Variants in FAM167A observed in about 807,000 individuals in gnomAD.
The protein encoded by FAM167A is family with sequence similarity 167 member A.
FAM167A carries 23 observed loss-of-function variants against 14.9 expected under a neutral mutation model. That is an observed-to-expected ratio of 1.55 (90% CI 1.11 to 2.19). The LOEUF (loss-of-function observed/expected upper bound fraction) is 2.19, where lower values mean the gene tolerates loss of function less well. Among genes scored for constraint, FAM167A ranks in the 30% most tolerant of loss-of-function variants. The pLI is 0.00. For synonymous variants in FAM167A, 174 were observed against 117.7 expected (o/e 1.48, Z -3.10); for missense variants, 401 against 281.5 (o/e 1.42, Z -3.04).
chr8:11,438,544 G>A (rs192954085), intron 2 of FAM167A: 7 of 456,394 alleles, frequency 1.5e-5, no homozygotes, highest in African/African-American at 1.2e-4. Context: ...TTTCAATAAT[G>A]TCTTTCCCCT....
rs1278460375 is a variant in FAM167A, at chr8:11,424,105, C to G, written c.*268G>C. The stretch of plus-strand genomic sequence containing the variant: ...GGAGGGATGGATTATGGTGGGAACC[C>G]AGGTCTCCTTTAACATCTTGGTTGG... On this transcript the variant is annotated 3_prime_UTR_variant, in exon 3 of 3. Transcript: ENST00000284486. The G allele has an allele frequency of 1.4e-5, 6 of 439,002 alleles. No individual in the cohort carries two copies. The East Asian group carries it at 1.5e-4, about 11-fold the overall frequency. 27.2% of individuals were successfully genotyped at this position (439,002 alleles called of 1,614,324 possible).
In FAM167A at chr8:11,439,442, G is replaced by C. The variant is rs1272967099; in HGVS notation, c.381+4589C>G. Among the ~76,000 whole-genome samples the C allele has an allele frequency of 2.0e-5, 3 of 152,268 alleles. No individual in the cohort carries two copies. The East Asian group carries it at 5.8e-4, about 29-fold the overall frequency. ...TACCAAGCAGGCAGCACAGGCAACA[G>C]AGGGTTAACAGGGAGAGGGCAGCCC... On this transcript the variant is annotated intron_variant, in intron 2 of 2. Transcript: ENST00000284486.
At chr8:11,451,245 G>T (rs1326788414) in intron 1 of FAM167A, among the ~76,000 whole-genome samples, 2 of 152,246 alleles carry the variant, frequency 1.3e-5, no homozygotes, top group Non-Finnish European at 2.9e-5. Context: ...TCTAACTGGA[G>T]AGCAAAGCCA....
intron 1 of FAM167A, among the ~76,000 whole-genome samples, chr8:11,453,369 G>A (rs983763914): frequency 6.6e-6 from 1 of 152,210 alleles, no homozygotes; most frequent in African/African-American, 2.4e-5. Context: ...CTGTCAAGCT[G>A]CTAATATGTA....
At position 11,442,178 on chromosome 8, in the gene FAM167A, G is replaced by A. The variant is rs561880704; in HGVS notation, c.381+1853C>T. ...TGCCTCACCCTGGGCCACCTTCCTC[G>A]CTTGGCCAGCACACTGGGCAGGGCA... On this transcript the variant is annotated intron_variant, in intron 2 of 2. Transcript: ENST00000284486. Among the ~76,000 whole-genome samples the A allele has an allele frequency of 1.8e-4, 28 of 152,262 alleles. No individual in the cohort carries two copies. In the South Asian group the frequency reaches 5.0e-3, roughly 27 times the overall value.
chr8:11,472,137 G>T (rs1807978541), upstream of FAM167A, among the ~76,000 whole-genome samples: 4 of 152,144 alleles, frequency 2.6e-5, no homozygotes, highest in Non-Finnish European at 5.9e-5. Flanking sequence ...TTCACTTTGG[G>T]CCTCTCAAAT....
chr8:11,449,388 C>A (rs1357495920), intron 1 of FAM167A, among the ~76,000 whole-genome samples: 1 of 152,220 alleles, frequency 6.6e-6, no homozygotes, highest in African/African-American at 2.4e-5. Context: ...CAGATGCCAG[C>A]ACTGGGCAGC....
chr8:11,427,530 C>A (rs1051798549), intron 2 of FAM167A, among the ~76,000 whole-genome samples: 1 of 152,186 alleles, frequency 6.6e-6, no homozygotes, highest in Non-Finnish European at 1.5e-5. Context: ...AAAATGAGCC[C>A]TGAGATGCCC....
chr8:11,453,728 T>C (rs1303014252), intron 1 of FAM167A, among the ~76,000 whole-genome samples: 1 of 151,780 alleles, frequency 6.6e-6, no homozygotes, highest in East Asian at 1.9e-4. Context: ...CCCCCCGAGA[T>C]AGCCAGCTCT....
chr8:11,475,643 A>G (rs551282185), intron 1 of FAM167A, among the ~76,000 whole-genome samples: 1 of 152,280 alleles, frequency 6.6e-6, no homozygotes, highest in African/African-American at 2.4e-5. Context: ...ACCCCACACA[A>G]GCACACCCAT....
chr8:11,435,141 C>A (rs1805919491), intron 2 of FAM167A: 1 of 456,664 alleles, frequency 2.2e-6, no homozygotes, highest in Non-Finnish European at 4.4e-6. Flanking sequence ...CCTCTCCAGC[C>A]TCCTCTCCCA....
intron 1 of FAM167A, 199 bp from the exon 2 acceptor site, chr8:11,445,007 G>T: frequency 1.6e-6 from 1 of 644,532 alleles, no homozygotes; most frequent in Non-Finnish European, 1.9e-6. Flanking sequence ...TTGAAAAATT[G>T]TGCAGTGTTT....
intron 1 of FAM167A, among the ~76,000 whole-genome samples, chr8:11,455,560 G>A (rs1403196988): frequency 1.4e-5 from 2 of 144,152 alleles, no homozygotes; most frequent in Admixed American, 6.9e-5. Flanking sequence ...TGTGGGGGGT[G>A]GTTGCCTTGC....
chr8:11,438,634 A>G lies in FAM167A; in HGVS notation c.381+5397T>C, dbSNP rs895176708. ...AAAAGAATAATATTACCACTCAGAA[A>G]TAAAGATCATCAAGTTTTGGTGTAT... On this transcript the variant is annotated intron_variant, in intron 2 of 2. Transcript: ENST00000284486. 4.9e-5 allele frequency: 20 copies of G among 407,560 alleles called. 1 individual carries two copies. The Middle Eastern group carries it at 1.4e-3, about 29-fold the overall frequency. 25.2% of individuals were successfully genotyped at this position (407,560 alleles called of 1,614,324 possible).
At chr8:11,441,545 C>A (rs553488648) in intron 2 of FAM167A, among the ~76,000 whole-genome samples, 10 of 152,164 alleles carry the variant, frequency 6.6e-5, no homozygotes, top group Non-Finnish European at 1.5e-4. Context: ...TCTCCTTGGT[C>A]GCTGCTCTTT....
intron 1 of FAM167A, among the ~76,000 whole-genome samples, chr8:11,452,738 G>A (rs754149887): frequency 3.3e-5 from 5 of 152,174 alleles, no homozygotes. Flanking sequence ...CAGACGTGAC[G>A]GCCTGAGATC....
At chr8:11,473,755 T>C (rs1488255986) in intron 1 of FAM167A, among the ~76,000 whole-genome samples, 4 of 152,186 alleles carry the variant, frequency 2.6e-5, no homozygotes, top group Non-Finnish European at 5.9e-5. Context: ...AGAGCTACCA[T>C]GAAGTTCACT....
intron 2 of FAM167A, among the ~76,000 whole-genome samples, chr8:11,430,401 G>A (rs1026075803): frequency 1.3e-5 from 2 of 152,140 alleles, no homozygotes; most frequent in Non-Finnish European, 2.9e-5. Context: ...TGTTTTTTTG[G>A]GGGCAGACAA....
intron 2 of FAM167A, among the ~76,000 whole-genome samples, chr8:11,430,087 C>T (rs1008991053): frequency 6.6e-6 from 1 of 152,214 alleles, no homozygotes; most frequent in Non-Finnish European, 1.5e-5. Context: ...GTGTGGGTTT[C>T]ATGCTGTCTC....
Sources: allele counts gnomAD v4.1 joint callset (sites outside exome capture counted in the v4.1 genomes callset), GRCh38; gene constraint gnomAD v4.1.1; transcripts MANE v1.5; gene names NCBI Gene and HGNC (gene_info 2026-07-23, HGNC 2026-07-21).